Variants in LY6S observed in about 807,000 individuals in gnomAD.
LY6S encodes lymphocyte antigen 6 family member S, also known as lymphocyte antigen 6S.
At chr8:143,058,388 G>A in the LY6S span, among the ~76,000 whole-genome samples, 17 of 152,228 alleles carry the variant, frequency 1.1e-4, 1 homozygote, top group Non-Finnish European at 1.3e-4. Flanking sequence ...CGTGGGTTGC[G>A]TGTCCACTGG....
chr8:143,042,351 A>C, the LY6S span: 1 of 152,550 alleles, frequency 6.6e-6, no homozygotes, highest in Non-Finnish European at 1.5e-5. Context: ...TGGTGGCCGC[A>C]GGAGCTCTGC....
At chr8:143,041,963 ACGGCCGTCCACCC>A in the LY6S span, among the ~76,000 whole-genome samples, 4 of 1,060 alleles carry the variant, frequency 3.8e-3, 2 homozygotes, top group African/African-American at 0.042. Flanking sequence ...CCAGGCTGAG[ACGGCCGTCCACCC>A]AGGGCGTTCT....
chr8:143,071,056 G>T, the LY6S span, among the ~76,000 whole-genome samples: 1 of 88,368 alleles, frequency 1.1e-5, no homozygotes, highest in Non-Finnish European at 2.1e-5. Context: ...TGGAATAAAG[G>T]GTGGAATATA....
the LY6S span, among the ~76,000 whole-genome samples, chr8:143,075,102 C>T: frequency 1.2e-4 from 18 of 152,302 alleles, no homozygotes; most frequent in Admixed American, 9.8e-4. The surrounding 1 kb of genome is among the most constrained non-coding windows in gnomAD (Gnocchi z 4.1). Context: ...CATTATGACT[C>T]ATTTTTTTCA....
the LY6S span, among the ~76,000 whole-genome samples, chr8:143,063,641 G>A: frequency 1.3e-5 from 2 of 152,332 alleles, no homozygotes; most frequent in South Asian, 2.1e-4. Context: ...AGGGCAACTG[G>A]AAAACACCTG....
the LY6S span, among the ~76,000 whole-genome samples, chr8:143,064,816 C>T: frequency 6.6e-6 from 1 of 152,214 alleles, no homozygotes; most frequent in Non-Finnish European, 1.5e-5. Flanking sequence ...GGAATTGCTC[C>T]AGTCGGGATC....
the LY6S span, among the ~76,000 whole-genome samples, chr8:143,062,134 A>C: frequency 1.3e-5 from 2 of 152,262 alleles, no homozygotes; most frequent in East Asian, 3.8e-4. Flanking sequence ...TGAAACTGTC[A>C]TTATTTGCAA....
chr8:143,052,645 C>A, the LY6S span, among the ~76,000 whole-genome samples: 2 of 152,154 alleles, frequency 1.3e-5, no homozygotes, highest in African/African-American at 2.4e-5. Context: ...TGGCCTCCCC[C>A]GCTCCTTGCA....
the LY6S span, among the ~76,000 whole-genome samples, chr8:143,070,473 A>AT: frequency 2.0e-4 from 7 of 35,070 alleles, no homozygotes; most frequent in South Asian, 9.7e-4. Flanking sequence ...TAATATATAT[A>AT]TAAATATATA....
At chr8:143,050,258 G>A in the LY6S span, among the ~76,000 whole-genome samples, 2 of 146,228 alleles carry the variant, frequency 1.4e-5, no homozygotes, top group African/African-American at 5.1e-5. Context: ...TCGACTCACT[G>A]CAACCTTTGC....
the LY6S span, among the ~76,000 whole-genome samples, chr8:143,055,501 T>C: frequency 1.3e-5 from 2 of 152,244 alleles, no homozygotes; most frequent in African/African-American, 4.8e-5. Flanking sequence ...AAGTGTTTAC[T>C]GTCATTCTTT....
chr8:143,052,646 G>A, the LY6S span, among the ~76,000 whole-genome samples: 11 of 152,098 alleles, frequency 7.2e-5, no homozygotes, highest in Non-Finnish European at 1.3e-4. Context: ...GGCCTCCCCC[G>A]CTCCTTGCAG....
the LY6S span, chr8:143,054,368 C>A: frequency 6.6e-6 from 1 of 151,330 alleles, no homozygotes; most frequent in Non-Finnish European, 1.5e-5. Flanking sequence ...AGAGGGGAAC[C>A]CTATTTAAAG....
At chr8:143,064,761 G>A in the LY6S span, among the ~76,000 whole-genome samples, 3 of 152,240 alleles carry the variant, frequency 2.0e-5, no homozygotes, top group African/African-American at 7.2e-5. Flanking sequence ...GTTAGCTACA[G>A]TGGAATGTAT....
chr8:143,061,901 T>C, the LY6S span, among the ~76,000 whole-genome samples: 4 of 152,202 alleles, frequency 2.6e-5, no homozygotes, highest in Non-Finnish European at 4.4e-5. Context: ...AAAATTAGAA[T>C]ACATGAATTT....
the LY6S span, among the ~76,000 whole-genome samples, chr8:143,051,129 A>G: frequency 6.6e-6 from 1 of 152,116 alleles, no homozygotes; most frequent in African/African-American, 2.4e-5. Flanking sequence ...CAAAGAGGAA[A>G]CTCCTCAGTG....
chr8:143,070,287 G>A, the LY6S span, among the ~76,000 whole-genome samples: 1 of 148,936 alleles, frequency 6.7e-6, no homozygotes, highest in Non-Finnish European at 1.5e-5. Flanking sequence ...CTGAGGTAGC[G>A]GGAGTGAGGG....
At chr8:143,045,217 A>G in the LY6S span, among the ~76,000 whole-genome samples, 1 of 152,158 alleles carries the variant, frequency 6.6e-6, no homozygotes, top group Non-Finnish European at 1.5e-5. This position sits in a 1 kb window ranked among gnomAD's most constrained non-coding sequence, Gnocchi z 5.3. Flanking sequence ...AACTAGTTCC[A>G]GCACACACGG....
At chr8:143,069,695 A>T in the LY6S span, among the ~76,000 whole-genome samples, 6 of 151,930 alleles carry the variant, frequency 3.9e-5, no homozygotes, top group Non-Finnish European at 8.8e-5. Context: ...CTTTCCCCCC[A>T]CATTTGAAGT....
Sources: allele counts gnomAD v4.1 joint callset (sites outside exome capture counted in the v4.1 genomes callset), GRCh38; gene constraint gnomAD v4.1.1; non-coding constraint Gnocchi (gnomAD v3.1); transcripts MANE v1.5; gene names NCBI Gene and HGNC (gene_info 2026-07-23, HGNC 2026-07-21).